RCL1: variants seen among roughly 807,000 people sequenced by gnomAD.
RCL1 encodes RNA terminal phosphate cyclase like 1.
RCL1 carries 24 observed loss-of-function variants against 42.4 expected under a neutral mutation model. That is an observed-to-expected ratio of 0.57 (90% CI 0.41 to 0.80). The LOEUF is 0.80. Among genes scored for constraint, RCL1 ranks in the 30% least tolerant of loss-of-function variants. The probability of loss-of-function intolerance (pLI) is 0.00; values close to 1 mark genes in which losing one functional copy is unlikely to be tolerated. For synonymous variants in RCL1, 228 were observed against 177.3 expected (o/e 1.29, Z -2.27); for missense variants, 578 against 467.9 (o/e 1.24, Z -2.17).
At chr9:4,852,461 G>C (rs1201206483) in intron 8 of RCL1, among the ~76,000 whole-genome samples, 1 of 152,212 alleles carries the variant, frequency 6.6e-6, no homozygotes, top group East Asian at 1.9e-4. Context: ...TGAGACTGCA[G>C]TTACCAGAGC....
At chr9:4,799,649 AGT>A (rs1448145808) in intron 1 of RCL1, among the ~76,000 whole-genome samples, 1 of 152,208 alleles carries the variant, frequency 6.6e-6, no homozygotes, top group Admixed American at 6.5e-5. Flanking sequence ...GGAATCATAT[AGT>A]ATGTAACCTT....
chr9:4,810,438 C>T (rs1009259790), intron 1 of RCL1, among the ~76,000 whole-genome samples: 38 of 152,062 alleles, frequency 2.5e-4, no homozygotes, highest in Non-Finnish European at 4.7e-4. Flanking sequence ...TCATATAGTA[C>T]GTAATTGTTT....
chr9:4,834,751 T>C (rs888080642), intron 5 of RCL1, among the ~76,000 whole-genome samples: 5 of 152,224 alleles, frequency 3.3e-5, no homozygotes, highest in African/African-American at 9.6e-5. Flanking sequence ...GAATGATATC[T>C]ACTATTAAGT....
At chr9:4,813,061 C>T (rs1394574445) in intron 1 of RCL1, among the ~76,000 whole-genome samples, 2 of 152,110 alleles carry the variant, frequency 1.3e-5, no homozygotes, top group African/African-American at 4.8e-5. Flanking sequence ...CCCTTTATTT[C>T]TGTGTCTTGC....
intron 1 of RCL1, among the ~76,000 whole-genome samples, chr9:4,814,790 A>T (rs1475774892): frequency 1.3e-5 from 2 of 151,712 alleles, no homozygotes; most frequent in Admixed American, 1.3e-4. Flanking sequence ...CTTCTTGAGC[A>T]TTTCTTGTAA....
intron 8 of RCL1, among the ~76,000 whole-genome samples, chr9:4,855,519 C>T (rs377390576): frequency 2.0e-5 from 3 of 152,172 alleles, no homozygotes; most frequent in Non-Finnish European, 2.9e-5. Context: ...TGGAGCAGGA[C>T]GTGGATCAGC....
chr9:4,851,291 G>C (rs1046834635), intron 8 of RCL1, among the ~76,000 whole-genome samples: 2 of 152,172 alleles, frequency 1.3e-5, no homozygotes, highest in African/African-American at 4.8e-5. Flanking sequence ...GATGTATCTT[G>C]AGGCTGGGGC....
chr9:4,808,170 T>C (rs1816046392), intron 1 of RCL1, among the ~76,000 whole-genome samples: 7 of 152,186 alleles, frequency 4.6e-5, no homozygotes, highest in Admixed American at 3.3e-4. Context: ...TGTGGATTTG[T>C]TTCTTGTTCA....
At chr9:4,804,787 A>G (rs1843072650) in intron 1 of RCL1, 1 of 179,032 alleles carries the variant, frequency 5.6e-6, no homozygotes, top group South Asian at 8.9e-5. Flanking sequence ...AGCGAATTGG[A>G]AGGGATGAAG....
chr9:4,823,768 T>G, intron 2 of RCL1, 149 bp downstream of exon 2: 1 of 580,376 alleles, frequency 1.7e-6, no homozygotes, highest in Non-Finnish European at 3.0e-6. Context: ...TTTAAAGCTT[T>G]ACTAATCACT....
rs1230095885 is a variant in RCL1 at position 4,826,962 on chromosome 9, T to G, written c.313T>G (p.Leu105Val). Residue 105 changes from leucine to valine, a missense_variant, in exon 3 of 9, where the codon TTG becomes GTG. Transcript: ENST00000381750. Reference sequence around the variant, plus strand: ...GTATTACCTGGAGAGTCTTCTTTGCTTGGCTCCATTTATGAAGCACCCGTT... The same window carrying G: ...GTATTACCTGGAGAGTCTTCTTTGCGTGGCTCCATTTATGAAGCACCCGTT... The part of the protein sequence containing the change: ...IGYYLESLLC[L>V]APFMKHPLKI... 5 of 1,614,210 alleles carry G rather than the reference T, an allele frequency of 3.1e-6. No individual in the cohort carries two copies. In the Admixed American group the frequency reaches 8.3e-5, roughly 27 times the overall value.
intron 1 of RCL1, among the ~76,000 whole-genome samples, chr9:4,821,776 C>G (rs1053503528): frequency 2.6e-5 from 4 of 152,196 alleles, no homozygotes; most frequent in African/African-American, 9.6e-5. Context: ...CATGGCACCC[C>G]TGGCTGGACT....
intron 1 of RCL1, among the ~76,000 whole-genome samples, chr9:4,794,291 AT>A (rs1842879088): frequency 1.3e-5 from 2 of 152,230 alleles, no homozygotes; most frequent in South Asian, 4.1e-4. Flanking sequence ...AGAAGATGCC[AT>A]GCTATTGACG....
chr9:4,797,717 A>G (rs1842935267), intron 1 of RCL1, among the ~76,000 whole-genome samples: 1 of 152,328 alleles, frequency 6.6e-6, no homozygotes, highest in East Asian at 1.9e-4. Context: ...ATCCCTAATG[A>G]TTAGGAATAG....
intron 1 of RCL1, among the ~76,000 whole-genome samples, chr9:4,809,678 C>A (rs759558429): frequency 6.6e-6 from 1 of 152,200 alleles, no homozygotes; most frequent in Non-Finnish European, 1.5e-5. Context: ...ATGAAATTCT[C>A]TTCATTAACT....
At chr9:4,860,071 T>C (rs1818111943) in intron 8 of RCL1, 54 bp from the exon 9 acceptor site, 4 of 1,163,266 alleles carry the variant, frequency 3.4e-6, no homozygotes, top group Admixed American at 2.9e-5. Flanking sequence ...TAGAGGATAA[T>C]TTTTTTTTGA....
chr9:4,840,054 A>G (rs1326137671), intron 5 of RCL1, among the ~76,000 whole-genome samples: 1 of 148,772 alleles, frequency 6.7e-6, no homozygotes, highest in Non-Finnish European at 1.5e-5. Context: ...ACAACAAGAT[A>G]TGGGAGGACC....
At chr9:4,856,363 T>C (rs192056217) in intron 8 of RCL1, among the ~76,000 whole-genome samples, 33 of 152,352 alleles carry the variant, frequency 2.2e-4, no homozygotes, top group Admixed American at 9.8e-4. Context: ...CCCCAACTCC[T>C]AAATTCTATC....
chr9:4,801,913 T>C (rs771320298), intron 1 of RCL1, among the ~76,000 whole-genome samples: 9 of 151,442 alleles, frequency 5.9e-5, no homozygotes, highest in African/African-American at 2.0e-4. Context: ...CGACACAGTC[T>C]TTTTTTCTTT....
Sources: allele counts gnomAD v4.1 joint callset (sites outside exome capture counted in the v4.1 genomes callset), GRCh38; gene constraint gnomAD v4.1.1; transcripts MANE v1.5; gene names NCBI Gene and HGNC (gene_info 2026-07-23, HGNC 2026-07-21).